The following PDE4D variants were observed in gnomAD, a reference collection of about 807,000 sequenced individuals.
PDE4D encodes 3',5'-cyclic-AMP phosphodiesterase 4D.
A neutral mutation model predicts 87.4 loss-of-function variants in PDE4D; 24 were observed. That is an observed-to-expected ratio of 0.27 (90% CI 0.20 to 0.39). PDE4D has a LOEUF of 0.39. PDE4D is among the 10% of genes least tolerant of loss of function. The pLI, the probability that PDE4D is intolerant of heterozygous loss-of-function variation, is 1.00. For synonymous variants in PDE4D, 384 were observed against 383.2 expected, an observed-to-expected ratio of 1.00 and a Z score of -0.02; for missense variants, 714 against 1,041.0, an observed-to-expected ratio of 0.69 and a Z score of 4.32.
rs576956812 is a variant in PDE4D, at chr5:59,558,862, A to G, written c.455+334306T>C. 15 of 152,362 alleles carry G rather than the reference A, an allele frequency of 9.8e-5. No individual in the cohort carries two copies. The East Asian group carries it at 2.3e-3, about 23-fold the overall frequency. The allele number at this position is 152,362 out of a possible 1,614,324, so 9.4% of individuals were successfully genotyped here. ...ATACTATATGTAAAACATCATACAC[A>G]TAATATGAATGTCCAATTTTAGAAG... On this transcript the variant is annotated intron_variant, in intron 1 of 14. Coordinates refer to ENST00000340635, the MANE Select transcript of PDE4D (RefSeq NM_001104631.2).
At chr5:60,133,768 A>G (rs1582812306) in intron 2 of PDE4D, among the ~76,000 whole-genome samples, 1 of 152,206 alleles carries the variant, frequency 6.6e-6, no homozygotes, top group East Asian at 1.9e-4. Flanking sequence ...TTACATACAC[A>G]TAATACATAT....
At chr5:59,046,683 G>GTT (rs1760761389) in intron 5 of PDE4D, among the ~76,000 whole-genome samples, 1 of 152,096 alleles carries the variant, frequency 6.6e-6, no homozygotes, top group African/African-American at 2.4e-5. Context: ...GTTTTGTTTT[G>GTT]TTTTATTCAT....
rs542252020 is a variant in PDE4D, at chr5:59,695,101, G to T, written c.455+198067C>A. On this transcript the variant is annotated intron_variant, in intron 1 of 14. Coordinates refer to ENST00000340635, the MANE Select transcript of PDE4D (RefSeq NM_001104631.2). ...ATCTCCATGGTCTCTAACCTTTTAG[G>T]ATCTTTTCTTTCAAAATTTAATGAG... 3.3e-5 allele frequency among the ~76,000 whole-genome samples: 5 copies of T among 151,788 alleles called. No individual in the cohort carries two copies. In the South Asian group the frequency reaches 6.3e-4, roughly 19 times the overall value.
chr5:59,214,077 C>A (rs112309384), intron 2 of PDE4D, among the ~76,000 whole-genome samples: 113 of 140,112 alleles, frequency 8.1e-4, no homozygotes, highest in Non-Finnish European at 1.4e-3. Context: ...CACACACACA[C>A]AACCATTCTA....
intron 1 of PDE4D, among the ~76,000 whole-genome samples, chr5:60,422,198 A>T (rs1421712760): frequency 6.6e-6 from 1 of 152,212 alleles, no homozygotes; most frequent in African/African-American, 2.4e-5. Flanking sequence ...AGAGAACATC[A>T]CAAAGATACT....
At chr5:59,386,312 T>C (rs956586358) in intron 1 of PDE4D, among the ~76,000 whole-genome samples, 8 of 152,066 alleles carry the variant, frequency 5.3e-5, no homozygotes, top group Non-Finnish European at 1.0e-4. Flanking sequence ...AGTTGAATAA[T>C]AAAAACAAGA....
intron 1 of PDE4D, among the ~76,000 whole-genome samples, chr5:59,490,417 A>G (rs900446236): frequency 5.3e-5 from 8 of 152,074 alleles, no homozygotes; most frequent in African/African-American, 1.9e-4. Flanking sequence ...CTTTTATCTC[A>G]TTTTTTAAGA....
intron 2 of PDE4D, among the ~76,000 whole-genome samples, chr5:59,194,218 C>T (rs907009254): frequency 6.6e-6 from 1 of 152,148 alleles, no homozygotes; most frequent in African/African-American, 2.4e-5. Flanking sequence ...GTGCAACATT[C>T]CAGTTAGAGG....
At chr5:59,458,041 T>C (rs1039171797) in intron 1 of PDE4D, among the ~76,000 whole-genome samples, 4 of 152,360 alleles carry the variant, frequency 2.6e-5, no homozygotes, top group African/African-American at 7.2e-5. Flanking sequence ...CTGGACCATA[T>C]TGACTTCTGA....
intron 1 of PDE4D, among the ~76,000 whole-genome samples, chr5:59,304,220 G>A (rs149370825): frequency 6.6e-6 from 1 of 152,124 alleles, no homozygotes; most frequent in East Asian, 1.9e-4. Context: ...ATATAGAAGA[G>A]CTACTGATTT....
chr5:60,416,667 C>T (rs1373899232), intron 1 of PDE4D, among the ~76,000 whole-genome samples: 5 of 152,196 alleles, frequency 3.3e-5, no homozygotes, highest in Admixed American at 1.3e-4. Context: ...TAACACTCAC[C>T]ATGAGCGTCC....
At chr5:59,306,652 G>A (rs924380379) in intron 1 of PDE4D, among the ~76,000 whole-genome samples, 1 of 151,578 alleles carries the variant, frequency 6.6e-6, no homozygotes, top group Non-Finnish European at 1.5e-5. Flanking sequence ...CAACTTACAA[G>A]CAACATGAAG....
chr5:59,830,524 A>G (rs139890750), intron 1 of PDE4D, among the ~76,000 whole-genome samples: 1 of 152,098 alleles, frequency 6.6e-6, no homozygotes. Flanking sequence ...CATTAAGGGA[A>G]GATTAACAGG....
At position 59,243,448 on chromosome 5, in the gene PDE4D, CTTTTTTTT is replaced by C. The variant is rs767287011; in HGVS notation, c.456-27488_456-27481del. ...TCACTATACAATTTCTTAAAATAACCTTTTTTTTTTTTTTTTTTTTTTTTTTTTGAGAC... is the reference window on the plus strand; with the variant it reads ...TCACTATACAATTTCTTAAAATAACCTTTTTTTTTTTTTTTTTTTTGAGAC... On this transcript the variant is annotated intron_variant, in intron 1 of 14. Coordinates refer to ENST00000340635, the MANE Select transcript of PDE4D (RefSeq NM_001104631.2). 1.7e-3 allele frequency among the ~76,000 whole-genome samples: 121 copies of C among 72,292 alleles called. 1 individual carries two copies. The highest frequency in any genetic ancestry group is 6.9e-3 in the African/African-American group (111 of 16,042). The allele number at this position is 72,292 out of a possible 152,430, so 47.4% of individuals were successfully genotyped here.
intron 1 of PDE4D, among the ~76,000 whole-genome samples, chr5:59,541,629 T>C (rs1249365639): frequency 1.3e-5 from 2 of 152,256 alleles, no homozygotes; most frequent in East Asian, 1.9e-4. Context: ...TACTTTATCA[T>C]AATTGTGCAG....
At chr5:60,478,317 A>AT (rs1180140777) in intron 1 of PDE4D, among the ~76,000 whole-genome samples, 5 of 152,026 alleles carry the variant, frequency 3.3e-5, no homozygotes, top group Admixed American at 6.6e-5. Flanking sequence ...AAATGGGGTG[A>AT]TTTTTTTTAC....
chr5:59,813,465 C>T (rs1167481426), intron 1 of PDE4D, among the ~76,000 whole-genome samples: 1 of 144,188 alleles, frequency 6.9e-6, no homozygotes, highest in Non-Finnish European at 1.6e-5. Flanking sequence ...CACACACACA[C>T]ACACACACAC....
intron 1 of PDE4D, among the ~76,000 whole-genome samples, chr5:60,312,735 A>T (rs564171030): frequency 6.6e-6 from 1 of 152,260 alleles, no homozygotes; most frequent in East Asian, 1.9e-4. Context: ...TTGGGTGGGA[A>T]CACAGAGCCA....
At chr5:59,463,039 T>C (rs1165980440) in intron 1 of PDE4D, among the ~76,000 whole-genome samples, 1 of 152,196 alleles carries the variant, frequency 6.6e-6, no homozygotes, top group East Asian at 1.9e-4. Context: ...AAAATGTCCT[T>C]GGTTAGTCAT....
Sources: gnomAD v4.1 joint callset for allele counts (sites outside exome capture counted in the v4.1 genomes callset) on GRCh38, gnomAD v4.1.1 for gene constraint, MANE v1.5 for transcripts, NCBI Gene and HGNC (gene_info 2026-07-23, HGNC 2026-07-21) for gene names.